Variants in NRDE2 observed in about 807,000 individuals in gnomAD.
NRDE2 encodes the protein NRDE-2, necessary for RNA interference, domain containing.
Under a neutral mutation model 124.2 loss-of-function variants are expected in NRDE2, and 76 were observed. That is an observed-to-expected ratio of 0.61 (90% CI 0.51 to 0.74). The LOEUF (loss-of-function observed/expected upper bound fraction) is 0.74. Ranked by LOEUF, NRDE2 falls within the 30% of genes least tolerant of loss-of-function variation. The probability of loss-of-function intolerance (pLI) is 0.00; values close to 1 mark genes in which losing one functional copy is unlikely to be tolerated. For missense variants in NRDE2, 1,314 were observed against 1,417.3 expected (o/e 0.93, Z 1.17); for synonymous variants, 489 against 528.1 (o/e 0.93, Z 1.01).
At chr14:90,329,899 C>G (rs1401247149) in intron 1 of NRDE2, among the ~76,000 whole-genome samples, 2 of 146,918 alleles carry the variant, frequency 1.4e-5, no homozygotes, top group Non-Finnish European at 3.0e-5. Context: ...CTTCTTTGAA[C>G]CTTCTATTAG....
intron 1 of NRDE2, among the ~76,000 whole-genome samples, chr14:90,321,549 T>TAAAAA (rs1012195271): frequency 4.6e-5 from 5 of 108,742 alleles, no homozygotes; most frequent in Non-Finnish European, 3.9e-5. Context: ...CCAGCTCTAT[T>TAAAAA]AAAAAAAAAA....
intron 4 of NRDE2, among the ~76,000 whole-genome samples, chr14:90,311,208 C>G (rs961646313): frequency 6.6e-6 from 1 of 152,214 alleles, no homozygotes; most frequent in African/African-American, 2.4e-5. Context: ...TGATGATTCT[C>G]TATCTTCAAT....
Position 90,277,224 on chromosome 14 carries a change from C to G in NRDE2, c.*1112G>C, listed in dbSNP as rs986979087. 6 of 152,354 alleles carry G rather than the reference C, an allele frequency of 3.9e-5. No individual in the cohort carries two copies. The highest frequency in any genetic ancestry group is 6.6e-5 in the Admixed American group (1 of 15,266). 9.4% of individuals were successfully genotyped at this position (152,354 alleles called of 1,614,324 possible). Reference sequence around the variant, plus strand: ...CCGTGCCCTGGGAGGTGCTCTCGTGCGCTGCCCTGCCTGCTGCTGCCCGCT... The same window carrying G: ...CCGTGCCCTGGGAGGTGCTCTCGTGGGCTGCCCTGCCTGCTGCTGCCCGCT... On this transcript the variant is annotated 3_prime_UTR_variant, in exon 14 of 14. Transcript: ENST00000354366.
In NRDE2 at chr14:90,278,920, T is replaced by G. The variant is rs1891876290; in HGVS notation, c.3369+142A>C. 4.3e-6 allele frequency: 3 copies of G among 690,458 alleles called. No individual in the cohort carries two copies. The East Asian group carries it at 7.5e-5, about 17-fold the overall frequency. The allele number at this position is 690,458 out of a possible 1,614,324, so 42.8% of individuals were successfully genotyped here. On this transcript the variant is annotated intron_variant, in intron 13 of 13. Coordinates refer to ENST00000354366, the MANE Select transcript of NRDE2 (RefSeq NM_017970.4). ...GGACAGTTTCACCAGGAAAAGGCTC[T>G]GGATGTACCTTGGGACAGGGTATGG...
At chr14:90,286,785 A>G (rs1892116640) in intron 11 of NRDE2, among the ~76,000 whole-genome samples, 1 of 152,170 alleles carries the variant, frequency 6.6e-6, no homozygotes, top group South Asian at 2.1e-4. Context: ...GCAATGGCTC[A>G]TGCCTGTAAT....
chr14:90,278,550 G>A, intron 13 of NRDE2, 89 bp from the exon 14 acceptor site: 9 of 1,545,358 alleles, frequency 5.8e-6, no homozygotes, highest in Non-Finnish European at 8.0e-6. Context: ...GGTTCCTGGT[G>A]ACCCTGCCCT....
chr14:90,282,730 C>T (rs1172076975), intron 12 of NRDE2, among the ~76,000 whole-genome samples: 4 of 151,862 alleles, frequency 2.6e-5, no homozygotes, highest in Non-Finnish European at 5.9e-5. Flanking sequence ...TGCGGTGGCG[C>T]GATCTCGGCT....
chr14:90,330,303 C>A (rs1885636707), intron 1 of NRDE2, among the ~76,000 whole-genome samples: 1 of 152,104 alleles, frequency 6.6e-6, no homozygotes, highest in African/African-American at 2.4e-5. Context: ...CTATACACTT[C>A]TTTTAGGTGC....
intron 8 of NRDE2, among the ~76,000 whole-genome samples, chr14:90,297,129 ACT>A (rs1331826786): frequency 6.7e-6 from 1 of 148,784 alleles, no homozygotes; most frequent in African/African-American, 2.5e-5. Context: ...ACAGACCAAG[ACT>A]CTGTCTCAAA....
chr14:90,309,928 T>C (rs1387393882), intron 4 of NRDE2, among the ~76,000 whole-genome samples: 3 of 152,182 alleles, frequency 2.0e-5, no homozygotes, highest in Non-Finnish European at 4.4e-5. Context: ...CTGTTTCCAA[T>C]TACTCTCTCC....
At chr14:90,330,866 G>A (rs1027872720) in intron 1 of NRDE2, among the ~76,000 whole-genome samples, 4 of 151,382 alleles carry the variant, frequency 2.6e-5, no homozygotes, top group East Asian at 3.9e-4. Context: ...TATATTAGAG[G>A]ATATAACAGA....
chr14:90,330,206 C>CAAAAAAAAA (rs5810495), intron 1 of NRDE2, among the ~76,000 whole-genome samples: 20 of 132,154 alleles, frequency 1.5e-4, no homozygotes, highest in Non-Finnish European at 1.6e-4. Flanking sequence ...GACTTGGTCT[C>CAAAAAAAAA]AAAAAAAAAA....
At chr14:90,285,405 G>A (rs1029221901) in intron 12 of NRDE2, among the ~76,000 whole-genome samples, 3 of 146,422 alleles carry the variant, frequency 2.0e-5, no homozygotes, top group South Asian at 2.2e-4. Context: ...GCGTTCCAGC[G>A]ATTCTCCTGC....
chr14:90,303,492 G>A (rs963119917), intron 5 of NRDE2, among the ~76,000 whole-genome samples: 4 of 152,216 alleles, frequency 2.6e-5, no homozygotes, highest in Admixed American at 1.3e-4. Flanking sequence ...AAACCTACAA[G>A]TTTTCGAAAG....
At position 90,292,984 on chromosome 14, in the gene NRDE2, G is replaced by C. The variant is rs1595061206; in HGVS notation, c.1667-112C>G. 3 of 917,408 alleles carry C rather than the reference G, an allele frequency of 3.3e-6. 1 individual carries two copies. The highest frequency in any genetic ancestry group is 5.0e-6 in the Non-Finnish European group (3 of 594,138). 56.8% of individuals were successfully genotyped at this position (917,408 alleles called of 1,614,324 possible). On this transcript the variant is annotated intron_variant, in intron 8 of 13. Coordinates refer to ENST00000354366, the MANE Select transcript of NRDE2 (RefSeq NM_017970.4). ...GCACCCGCAATGCCAAGATGTGTAA[G>C]AGCCATGCCAGTCTCCCAGGATACT...
chr14:90,319,668 A>G (rs992470293), intron 1 of NRDE2, among the ~76,000 whole-genome samples: 2 of 152,174 alleles, frequency 1.3e-5, no homozygotes, highest in African/African-American at 4.8e-5. Flanking sequence ...TCACTACCTC[A>G]TTCGTTTTTA....
intron 2 of NRDE2, 44 bp downstream of exon 2, chr14:90,317,961 G>C: frequency 6.8e-7 from 1 of 1,467,592 alleles, no homozygotes; most frequent in Non-Finnish European, 9.5e-7. Context: ...GCTATAGACA[G>C]TAAACTGACA....
intron 8 of NRDE2, 128 bp downstream of exon 8, chr14:90,298,132 A>T: frequency 9.8e-7 from 1 of 1,020,460 alleles, no homozygotes; most frequent in Non-Finnish European, 1.5e-6. Flanking sequence ...AACATTTTTG[A>T]CATTTTGATG....
rs541099435 is a variant in NRDE2 at position 90,274,917 on chromosome 14, T to C, written c.*3419A>G. ...ATTTTGAGAGTCTGCCACAAAACAC[T>C]GTTCAGTTAGAAAGGGAAAGTCACA... On this transcript the variant is annotated 3_prime_UTR_variant, in exon 14 of 14. Transcript: ENST00000354366. The C allele has an allele frequency of 7.9e-5, 12 of 151,900 alleles. No individual in the cohort carries two copies. The highest frequency in any genetic ancestry group is 2.4e-4 in the African/African-American group (10 of 41,368). 9.4% of individuals were successfully genotyped at this position (151,900 alleles called of 1,614,324 possible).
Sources: gnomAD v4.1 joint callset for allele counts (sites outside exome capture counted in the v4.1 genomes callset) on GRCh38, gnomAD v4.1.1 for gene constraint, MANE v1.5 for transcripts, NCBI Gene and HGNC (gene_info 2026-07-23, HGNC 2026-07-21) for gene names.